Variants in C11orf24 observed in about 807,000 individuals in gnomAD.
C11orf24 encodes the protein uncharacterized protein C11orf24.
Under a neutral mutation model 7.3 loss-of-function variants are expected in C11orf24, and 5 were observed. The observed-to-expected ratio is 0.69, with a 90% CI of 0.36 to 1.45. C11orf24 has a LOEUF of 1.45. Among genes scored for constraint, C11orf24 ranks in the 40% most tolerant of loss-of-function variants. The pLI, the probability that C11orf24 is intolerant of heterozygous loss-of-function variation, is 0.03. For synonymous variants in C11orf24, 233 were observed against 235.7 expected, an observed-to-expected ratio of 0.99 and a Z score of 0.11; for missense variants, 566 against 590.5, an observed-to-expected ratio of 0.96 and a Z score of 0.43.
At chr11:68,270,448 T>C (rs1183628134) in intron 1 of C11orf24, among the ~76,000 whole-genome samples, 3 of 152,082 alleles carry the variant, frequency 2.0e-5, no homozygotes. Context: ...TGGCGCACTT[T>C]ATGCAAGTTA....
intron 1 of C11orf24, among the ~76,000 whole-genome samples, chr11:68,270,668 G>T (rs2098567485): frequency 6.6e-6 from 1 of 151,824 alleles, no homozygotes; most frequent in African/African-American, 2.4e-5. Flanking sequence ...CCTGAAGCTT[G>T]GTAAAGGACT....
chr11:68,262,401 G>A lies in C11orf24; in HGVS notation c.594C>T (p.Ser198=). ...LSTALAQVPK[S]SALPRTATLA... Reference sequence around the variant, plus strand: ...GGGTTGCTGTTCTTGGCAACGCGCTGCTCTTTGGCACTTGTGCGAGGGCTG... The same window carrying A: ...GGGTTGCTGTTCTTGGCAACGCGCTACTCTTTGGCACTTGTGCGAGGGCTG... Residue 198 remains serine (S), a synonymous_variant, in exon 4 of 4, where the codon AGC becomes AGT. Transcript: ENST00000304271. The A allele has an allele frequency of 6.2e-7, 1 of 1,614,210 alleles. No homozygotes were observed. Among genetic ancestry groups the A allele is most frequent in the Non-Finnish European group, 8.5e-7 (1 of 1,180,038 alleles).
chr11:68,266,673 T>C (rs12417937), intron 2 of C11orf24, among the ~76,000 whole-genome samples: 6,746 of 152,182 alleles, frequency 0.044, 208 homozygotes, highest in Non-Finnish European at 0.066. Flanking sequence ...GAACTGAAAC[T>C]GGAAGGTTTC....
intron 2 of C11orf24, among the ~76,000 whole-genome samples, chr11:68,266,572 C>A (rs915949692): frequency 6.6e-6 from 1 of 152,094 alleles, no homozygotes; most frequent in East Asian, 1.9e-4. Context: ...AACCACAGAT[C>A]TAGAGTGCAA....
At chr11:68,269,525 T>C (rs986589287) in intron 1 of C11orf24, among the ~76,000 whole-genome samples, 12 of 152,242 alleles carry the variant, frequency 7.9e-5, no homozygotes, top group Non-Finnish European at 1.5e-4. Flanking sequence ...TGCCCACGTG[T>C]GCACACACAG....
Position 68,261,504 on chromosome 11 carries a change from C to G in C11orf24, c.*141G>C, listed in dbSNP as rs2098561566. Reference sequence around the variant, plus strand: ...ACTCTTTAGTGATCATGGAATTAATCTGACAGCAATTAAATGTGTTTAAGC... The same window carrying G: ...ACTCTTTAGTGATCATGGAATTAATGTGACAGCAATTAAATGTGTTTAAGC... On this transcript the variant is annotated 3_prime_UTR_variant, in exon 4 of 4. Transcript: ENST00000304271. 1 of 668,230 alleles carries G rather than the reference C, an allele frequency of 1.5e-6. No homozygotes were observed. Among genetic ancestry groups the G allele is most frequent in the Admixed American group, 3.0e-5 (1 of 33,804 alleles). 41.4% of individuals were successfully genotyped at this position (668,230 alleles called of 1,614,324 possible). A position where few individuals can be genotyped will look rare whatever the true frequency, so the allele number is the denominator to read the frequency against.
chr11:68,271,429 C>A (rs1480529795), intron 1 of C11orf24, among the ~76,000 whole-genome samples: 1 of 152,158 alleles, frequency 6.6e-6, no homozygotes, highest in Non-Finnish European at 1.5e-5. Context: ...CTGTGTCACT[C>A]AAGTAAGAGC....
chr11:68,271,036 CT>C (rs2098567668), intron 1 of C11orf24, among the ~76,000 whole-genome samples: 1 of 152,140 alleles, frequency 6.6e-6, no homozygotes, highest in Non-Finnish European at 1.5e-5. Context: ...ATACTAGGGC[CT>C]AGTTTTTGCT....
At chr11:68,263,325 G>T in intron 3 of C11orf24, 1 of 396,546 alleles carries the variant, frequency 2.5e-6, no homozygotes, top group Non-Finnish European at 4.5e-6. Context: ...AAGAACGCTT[G>T]GCTTTGTGAA....
chr11:68,261,959 G>T lies in C11orf24; in HGVS notation c.1036C>A (p.Gln346Lys). Reference sequence around the variant, plus strand: ...CCTGGTGTGGCTTCAGTCTCTACCTGCTCCGGTGCCTGGGATGTGCCTGGC... The same window carrying T: ...CCTGGTGTGGCTTCAGTCTCTACCTTCTCCGGTGCCTGGGATGTGCCTGGC... ...AGPGTSQAPEQVETEATPGTD... is the reference protein window; with the variant it reads ...AGPGTSQAPEKVETEATPGTD... The change falls in exon 4 of 4, where the codon CAG (glutamine) becomes AAG (lysine). Residue 346 changes from glutamine to lysine, a missense_variant. Physicochemically the swap from Gln to Lys is moderately conservative, Grantham distance 53. Coordinates refer to ENST00000304271, the MANE Select transcript of C11orf24 (RefSeq NM_022338.4). 6.2e-7 allele frequency: 1 copy of T among 1,613,956 alleles called. No homozygotes were observed. The highest frequency in any genetic ancestry group is 8.5e-7 in the Non-Finnish European group (1 of 1,180,028).
intron 2 of C11orf24, chr11:68,267,351 C>G (rs2098565726): frequency 6.6e-6 from 1 of 152,290 alleles, no homozygotes; most frequent in African/African-American, 2.4e-5. Context: ...TCATCTTCTG[C>G]TAAGAGGCGC....
chr11:68,262,070 G>A lies in C11orf24; in HGVS notation c.925C>T (p.Pro309Ser). ...REPTASPVPVPHTSPIPEMEA... is the reference protein window; with the variant it reads ...REPTASPVPVSHTSPIPEMEA... Reference sequence around the variant, plus strand: ...ATCTCAGGGATTGGGCTGGTGTGAGGTACTGGCACTGGGCTGGCAGTTGGC... The same window carrying A: ...ATCTCAGGGATTGGGCTGGTGTGAGATACTGGCACTGGGCTGGCAGTTGGC... The change falls in exon 4 of 4, where the codon CCT (proline) becomes TCT (serine). Residue 309 changes from proline (P) to serine (S), a missense_variant. Coordinates refer to ENST00000304271, the MANE Select transcript of C11orf24 (RefSeq NM_022338.4). 1 of 1,613,726 alleles carries A rather than the reference G, an allele frequency of 6.2e-7. No individual in the cohort carries two copies. Among genetic ancestry groups the A allele is most frequent in the Non-Finnish European group, 8.5e-7 (1 of 1,179,884 alleles).
intron 1 of C11orf24, among the ~76,000 whole-genome samples, chr11:68,269,333 C>T (rs534579984): frequency 1.2e-4 from 18 of 152,158 alleles, no homozygotes; most frequent in South Asian, 6.2e-4. Context: ...ACCAAAACTT[C>T]GGAGGAATCC....
intron 3 of C11orf24, chr11:68,263,175 C>CA (rs1466371668): frequency 3.7e-6 from 2 of 537,206 alleles, no homozygotes; most frequent in African/African-American, 1.9e-5. Context: ...TTGAAGGCTT[C>CA]AGACCTTCAC....
rs2098562463 is a variant in C11orf24, at chr11:68,262,587, T to C, written c.408A>G (p.Ala136=). 1 of 1,613,492 alleles carries C rather than the reference T, an allele frequency of 6.2e-7. No homozygotes were observed. The highest frequency in any genetic ancestry group is 8.5e-7 in the Non-Finnish European group (1 of 1,179,830). The stretch of plus-strand genomic sequence containing the variant: ...TGGAGGCCACAGTTGTACTGGAGGC[T>C]GCAGTCGTGGGAGCACTGGAGGCCA... The part of the protein sequence containing the change: ...MTVASSAPTT[A]ASSTTVASIA... The change falls in exon 4 of 4, where the codon GCA becomes GCG. Residue 136 remains alanine (A), a synonymous_variant. Coordinates refer to ENST00000304271, the MANE Select transcript of C11orf24 (RefSeq NM_022338.4).
chr11:68,267,968 C>T (rs1304932385), intron 2 of C11orf24, 86 bp downstream of exon 2: 2 of 152,448 alleles, frequency 1.3e-5, no homozygotes, highest in African/African-American at 2.4e-5. Context: ...TTCCCTTGAC[C>T]CTCTGATGAT....
chr11:68,265,110 G>A (rs1591133443), intron 2 of C11orf24, among the ~76,000 whole-genome samples: 1 of 152,056 alleles, frequency 6.6e-6, no homozygotes, highest in African/African-American at 2.4e-5. Flanking sequence ...GGGTGGGGGT[G>A]GGCAGGCAGG....
Position 68,262,456 on chromosome 11 carries a change from G to C in C11orf24, c.539C>G (p.Thr180Ser). 1 of 1,614,160 alleles carries C rather than the reference G, an allele frequency of 6.2e-7. No individual in the cohort carries two copies. The highest frequency in any genetic ancestry group is 2.2e-5 in the East Asian group (1 of 44,896). The change falls in exon 4 of 4, where the codon ACT (threonine) becomes AGT (serine). Residue 180 changes from threonine to serine, a missense_variant. Thr to Ser is a moderately conservative substitution (Grantham distance 58). Transcript: ENST00000304271. ...TSTSTGRTPSTTATGHPSLST... is the reference protein window; with the variant it reads ...TSTSTGRTPSSTATGHPSLST... Reference sequence around the variant, plus strand: ...GAGAGATGGATGCCCAGTGGCGGTAGTGGACGGGGTCCGCCCTGTGGAAGT... The same window carrying C: ...GAGAGATGGATGCCCAGTGGCGGTACTGGACGGGGTCCGCCCTGTGGAAGT...
chr11:68,269,563 C>T (rs963725081), intron 1 of C11orf24, among the ~76,000 whole-genome samples: 1 of 152,232 alleles, frequency 6.6e-6, no homozygotes, highest in Non-Finnish European at 1.5e-5. Flanking sequence ...TAGTCACACA[C>T]GCTTGTGTGC....
Sources: gnomAD v4.1 joint callset for allele counts (sites outside exome capture counted in the v4.1 genomes callset) on GRCh38, gnomAD v4.1.1 for gene constraint, MANE v1.5 for transcripts, NCBI Gene and HGNC (gene_info 2026-07-23, HGNC 2026-07-21) for gene names.